Variants in RYR2 observed in about 807,000 individuals in gnomAD.
The protein encoded by RYR2 is ryanodine receptor 2.
A neutral mutation model predicts 601.1 loss-of-function variants in RYR2; 227 were observed. The observed-to-expected ratio is 0.38, with a 90% CI of 0.34 to 0.42. The LOEUF (loss-of-function observed/expected upper bound fraction) is 0.42. Ranked by LOEUF, RYR2 falls within the 10% of genes least tolerant of loss-of-function variation. RYR2 has a pLI of 1.00. For synonymous variants in RYR2, 2,223 were observed against 2,175.1 expected (o/e 1.02, Z -0.61); for missense variants, 4,646 against 6,156.5 (o/e 0.75, Z 8.21).
intron 1 of RYR2, among the ~76,000 whole-genome samples, chr1:237,236,449 T>G (rs2149212606): frequency 6.6e-6 from 1 of 152,302 alleles, no homozygotes; most frequent in South Asian, 2.1e-4. Flanking sequence ...GATACCAATC[T>G]AGAGTTTCAG....
intron 32 of RYR2, among the ~76,000 whole-genome samples, chr1:237,593,135 G>A (rs770055439): frequency 6.6e-6 from 1 of 151,820 alleles, no homozygotes; most frequent in African/African-American, 2.4e-5. Flanking sequence ...CACTGTATAT[G>A]TGCACATATA....
At chr1:237,673,660 C>CT (rs1369523609) in intron 58 of RYR2, among the ~76,000 whole-genome samples, 3 of 152,170 alleles carry the variant, frequency 2.0e-5, no homozygotes, top group African/African-American at 7.2e-5. Flanking sequence ...ATATTTAAGA[C>CT]TTTTTCTCTT....
At chr1:237,067,144 AT>A (rs1215461038) in intron 1 of RYR2, among the ~76,000 whole-genome samples, 1 of 151,862 alleles carries the variant, frequency 6.6e-6, no homozygotes, top group Non-Finnish European at 1.5e-5. Context: ...GAAGTTTTTA[AT>A]TTTGATGAAG....
At chr1:237,534,029 A>G (rs1301765552) in intron 25 of RYR2, among the ~76,000 whole-genome samples, 4 of 152,136 alleles carry the variant, frequency 2.6e-5, no homozygotes, top group African/African-American at 9.6e-5. Context: ...CCATGTGCGT[A>G]ACAGAAATTG....
At chr1:237,164,300 T>C (rs1462965905) in intron 1 of RYR2, among the ~76,000 whole-genome samples, 1 of 152,004 alleles carries the variant, frequency 6.6e-6, no homozygotes, top group Non-Finnish European at 1.5e-5. Context: ...TTCAGAAAGC[T>C]CATATGAACC....
At chr1:237,249,688 A>T (rs765855602) in intron 1 of RYR2, among the ~76,000 whole-genome samples, 1 of 152,180 alleles carries the variant, frequency 6.6e-6, no homozygotes, top group South Asian at 2.1e-4. Context: ...CCACTCTAGC[A>T]TTGGCCTCAA....
At chr1:237,553,178 T>C (rs987155775) in intron 27 of RYR2, among the ~76,000 whole-genome samples, 1 of 152,090 alleles carries the variant, frequency 6.6e-6, no homozygotes, top group Non-Finnish European at 1.5e-5. Flanking sequence ...CTCTTATGTT[T>C]CCTTCCAGAG....
chr1:237,417,492 G>A (rs970046490), intron 11 of RYR2, among the ~76,000 whole-genome samples: 16 of 152,104 alleles, frequency 1.1e-4, no homozygotes, highest in Non-Finnish European at 1.8e-4. Context: ...CAAGCCTGTC[G>A]CACATCTCAG....
chr1:237,369,790 C>A (rs1340427432), intron 6 of RYR2, among the ~76,000 whole-genome samples, 182 bp downstream of exon 6: 1 of 152,116 alleles, frequency 6.6e-6, no homozygotes, highest in East Asian at 1.9e-4. Context: ...GCTCAGATGA[C>A]TTTTAAGGTC....
chr1:237,804,637 T>C (rs2794828), intron 98 of RYR2, among the ~76,000 whole-genome samples: 28,413 of 152,018 alleles, frequency 0.19, 3,159 homozygotes, highest in East Asian at 0.5. Flanking sequence ...TCAACATTAA[T>C]TATAACCCAG....
chr1:237,771,455 ATAGT>A (rs1167414816), intron 85 of RYR2, among the ~76,000 whole-genome samples: 6 of 151,794 alleles, frequency 4.0e-5, no homozygotes, highest in Admixed American at 3.3e-4. Context: ...AAACATATAA[ATAGT>A]TATAGAGTAA....
intron 2 of RYR2, among the ~76,000 whole-genome samples, chr1:237,275,754 A>G (rs1441285074): frequency 6.6e-6 from 1 of 152,214 alleles, no homozygotes. Context: ...TTTAAAGTTC[A>G]CATACCATAT....
chr1:237,274,015 A>G (rs1689989464), intron 2 of RYR2, among the ~76,000 whole-genome samples: 1 of 145,796 alleles, frequency 6.9e-6, no homozygotes, highest in African/African-American at 2.5e-5. Context: ...ATTAAGAAAT[A>G]CATATATATT....
chr1:237,260,301 A>G (rs527776246), intron 1 of RYR2, among the ~76,000 whole-genome samples: 1 of 152,312 alleles, frequency 6.6e-6, no homozygotes, highest in African/African-American at 2.4e-5. Context: ...TGCAAGGAAA[A>G]TGGTTCTGAC....
intron 1 of RYR2, among the ~76,000 whole-genome samples, chr1:237,204,185 T>A (rs1572191229): frequency 6.6e-6 from 1 of 151,894 alleles, no homozygotes; most frequent in East Asian, 1.9e-4. Context: ...TAATTTTGTA[T>A]TTTTTGTAGA....
At chr1:237,551,828 T>G (rs2618657) in intron 27 of RYR2, among the ~76,000 whole-genome samples, 51,112 of 152,032 alleles carry the variant, frequency 0.34, 9,479 homozygotes, top group East Asian at 0.49. Context: ...CAATTATTAT[T>G]TAATCCTCAC....
At chr1:237,594,727 G>A (rs187776388) in intron 33 of RYR2, among the ~76,000 whole-genome samples, 2 of 151,730 alleles carry the variant, frequency 1.3e-5, no homozygotes, top group East Asian at 3.9e-4. Context: ...CTGCTTGCCT[G>A]GCTTTAGCCT....
At chr1:237,821,661 G>A (rs1024407272) in intron 101 of RYR2, among the ~76,000 whole-genome samples, 2 of 152,090 alleles carry the variant, frequency 1.3e-5, no homozygotes, top group South Asian at 2.1e-4. Flanking sequence ...AACAAAACTG[G>A]ACGGAAAATG....
At chr1:237,208,749 T>A (rs1239649617) in intron 1 of RYR2, among the ~76,000 whole-genome samples, 2 of 151,684 alleles carry the variant, frequency 1.3e-5, no homozygotes, top group Non-Finnish European at 2.9e-5. Flanking sequence ...CTTAGCAAAT[T>A]TCAAGTGTCC....
Sources: allele counts gnomAD v4.1 joint callset (sites outside exome capture counted in the v4.1 genomes callset), GRCh38; gene constraint gnomAD v4.1.1; transcripts MANE v1.5; gene names NCBI Gene and HGNC (gene_info 2026-07-23, HGNC 2026-07-21).